The following DENND5A variants were observed in gnomAD, a reference collection of about 807,000 sequenced individuals.
DENND5A encodes DENN domain-containing protein 5A.
Under a neutral mutation model 140.3 loss-of-function variants are expected in DENND5A, and 64 were observed. That is an observed-to-expected ratio of 0.46 (90% confidence interval 0.37 to 0.56). DENND5A has a LOEUF of 0.56. DENND5A is among the 20% of genes least tolerant of loss of function. DENND5A has a pLI of 0.00. For missense variants in DENND5A, 1,292 were observed against 1,593.8 expected (o/e 0.81, Z 3.22); for synonymous variants, 605 against 607.7 (o/e 1.00, Z 0.07).
intron 1 of DENND5A, among the ~76,000 whole-genome samples, chr11:9,243,819 G>A (rs1203274330): frequency 6.6e-6 from 1 of 152,164 alleles, no homozygotes; most frequent in Admixed American, 6.6e-5. Flanking sequence ...CTGGGAGGCA[G>A]AGGTTGCAGT....
At chr11:9,167,331 C>T (rs1848224370) in intron 10 of DENND5A, among the ~76,000 whole-genome samples, 2 of 151,928 alleles carry the variant, frequency 1.3e-5, no homozygotes, top group South Asian at 2.1e-4. Context: ...TTACCTGTCT[C>T]CTAACTTGTT....
At chr11:9,243,093 A>AAC (rs1264020681) in intron 1 of DENND5A, among the ~76,000 whole-genome samples, 1 of 138,012 alleles carries the variant, frequency 7.2e-6, no homozygotes. Flanking sequence ...GTCTCAAAAA[A>AAC]AAAAAAAAAA....
At chr11:9,179,191 AATG>A in intron 6 of DENND5A, 118 bp from the exon 7 acceptor site, 2 of 828,936 alleles carry the variant, frequency 2.4e-6, no homozygotes, top group Non-Finnish European at 3.8e-6. Flanking sequence ...CTTAGCAGGA[AATG>A]ATGAGAACAA....
chr11:9,149,748 C>T (rs947228280), intron 15 of DENND5A, among the ~76,000 whole-genome samples: 5 of 152,140 alleles, frequency 3.3e-5, no homozygotes, highest in Non-Finnish European at 5.9e-5. Context: ...CTCCCCAGAA[C>T]AGGAAAGAGA....
At chr11:9,189,618 G>GTTT (rs77938128) in intron 5 of DENND5A, among the ~76,000 whole-genome samples, 56 of 145,068 alleles carry the variant, frequency 3.9e-4, no homozygotes, top group South Asian at 6.5e-4. Context: ...CTGTTGTTTG[G>GTTT]TTTTTTTTTT....
At chr11:9,147,268 CT>C in intron 15 of DENND5A, 117 bp from the exon 16 acceptor site, 1 of 1,077,952 alleles carries the variant, frequency 9.3e-7, no homozygotes, top group Non-Finnish European at 1.3e-6. Flanking sequence ...CTTCAAGTTC[CT>C]TAGGTTCACC....
intron 1 of DENND5A, among the ~76,000 whole-genome samples, chr11:9,208,498 C>T (rs1849765615): frequency 6.6e-6 from 1 of 152,176 alleles, no homozygotes; most frequent in African/African-American, 2.4e-5. Flanking sequence ...ATCCCAAAGG[C>T]ACCTCAAAAG....
At chr11:9,147,298 A>G (rs2136118649) in intron 15 of DENND5A, 147 bp from the exon 16 acceptor site, 1 of 787,112 alleles carries the variant, frequency 1.3e-6, no homozygotes, top group Non-Finnish European at 2.0e-6. Context: ...GAACAAAGCT[A>G]GCTACTCTAA....
chr11:9,218,306 T>C (rs1369364989), intron 1 of DENND5A, among the ~76,000 whole-genome samples: 1 of 151,034 alleles, frequency 6.6e-6, no homozygotes, highest in East Asian at 1.9e-4. Flanking sequence ...TAAAATGGTG[T>C]CAGAAAAATT....
chr11:9,222,553 T>C (rs891094127), intron 1 of DENND5A, among the ~76,000 whole-genome samples: 7 of 152,164 alleles, frequency 4.6e-5, no homozygotes, highest in African/African-American at 1.4e-4. Flanking sequence ...AGGCAATTTT[T>C]CCCTATAAAT....
intron 4 of DENND5A, among the ~76,000 whole-genome samples, chr11:9,194,191 C>G (rs1184570029): frequency 2.0e-5 from 3 of 152,078 alleles, no homozygotes; most frequent in African/African-American, 7.2e-5. Context: ...GTTTTCCACA[C>G]TAGCCAAGTC....
chr11:9,237,812 A>C (rs1318240643), intron 1 of DENND5A, among the ~76,000 whole-genome samples: 1 of 151,556 alleles, frequency 6.6e-6, no homozygotes, highest in Non-Finnish European at 1.5e-5. Context: ...GAACCCAGGA[A>C]GCAGAGGTTG....
At chr11:9,244,715 A>G (rs1270477624) in intron 1 of DENND5A, among the ~76,000 whole-genome samples, 1 of 151,772 alleles carries the variant, frequency 6.6e-6, no homozygotes, top group East Asian at 1.9e-4. Context: ...TGGCTCTGTC[A>G]CTCAGGCTAG....
At chr11:9,155,815 T>C (rs533178522) in intron 12 of DENND5A, among the ~76,000 whole-genome samples, 1 of 152,240 alleles carries the variant, frequency 6.6e-6, no homozygotes, top group African/African-American at 2.4e-5. Context: ...AAGATGTCAC[T>C]GAAAGCCAAA....
intron 1 of DENND5A, among the ~76,000 whole-genome samples, chr11:9,227,123 AC>A: frequency 6.6e-6 from 1 of 151,934 alleles, no homozygotes; most frequent in Non-Finnish European, 1.5e-5. Flanking sequence ...AGGTGAGATC[AC>A]GCCATTGTAC....
intron 1 of DENND5A, among the ~76,000 whole-genome samples, chr11:9,258,999 A>G (rs1852073103): frequency 6.6e-6 from 1 of 152,058 alleles, no homozygotes; most frequent in Non-Finnish European, 1.5e-5. Flanking sequence ...AGTGGCTCAC[A>G]CCTGTAATCC....
In DENND5A at chr11:9,155,314, C is replaced by T. The variant is rs115825189; in HGVS notation, c.2437-2872G>A. 2.9e-3 allele frequency among the ~76,000 whole-genome samples: 437 copies of T among 152,206 alleles called. 3 individuals are homozygous for T. Among genetic ancestry groups the T allele is most frequent in the African/African-American group, 1.0e-2 (414 of 41,516 alleles). On this transcript the variant is annotated intron_variant, in intron 12 of 22. Coordinates refer to ENST00000328194, the MANE Select transcript of DENND5A (RefSeq NM_015213.4). ...GCATCTAGGCAGACTAGGAAAGCAG[C>T]CTAAGATAAATTAATAGAACTGTCT...
intron 1 of DENND5A, among the ~76,000 whole-genome samples, chr11:9,230,100 G>A (rs1384842827): frequency 2.0e-5 from 3 of 150,906 alleles, no homozygotes; most frequent in African/African-American, 2.4e-5. Flanking sequence ...TAGTAGAGAC[G>A]GGGTTTCACC....
chr11:9,152,336 T>C (rs1277530758), intron 13 of DENND5A, 22 bp downstream of exon 13: 3 of 1,547,052 alleles, frequency 1.9e-6, no homozygotes, highest in Admixed American at 1.7e-5. Context: ...GGGCAGACTC[T>C]CCATTGCAGA....
Sources: allele counts gnomAD v4.1 joint callset (sites outside exome capture counted in the v4.1 genomes callset), GRCh38; gene constraint gnomAD v4.1.1; transcripts MANE v1.5; gene names NCBI Gene and HGNC (gene_info 2026-07-23, HGNC 2026-07-21).